Variants in SUMF1 observed in about 807,000 individuals in gnomAD.
SUMF1 encodes the protein sulfatase modifying factor 1.
Under a neutral mutation model 47.6 loss-of-function variants are expected in SUMF1, and 48 were observed. That is an observed-to-expected ratio of 1.01 (90% CI 0.80 to 1.28). The LOEUF is 1.28. SUMF1 is among the 50% of genes most tolerant of loss of function. The pLI, the probability that SUMF1 is intolerant of heterozygous loss-of-function variation, is 0.00. For synonymous variants in SUMF1, 230 were observed against 192.1 expected, an observed-to-expected ratio of 1.20 and a Z score of -1.63; for missense variants, 571 against 485.4, an observed-to-expected ratio of 1.18 and a Z score of -1.66.
rs74585781 is a variant in SUMF1 at position 4,199,911 on chromosome 3, T to C, written c.1015-131166A>G. Among the ~76,000 whole-genome samples the C allele has an allele frequency of 5.9e-3, 901 of 152,268 alleles. 31 individuals carry two copies. The highest frequency in any genetic ancestry group is 0.05 in the Admixed American group (770 of 15,284). Reference sequence around the variant, plus strand: ...TATAATTTTCAAGTATTTGCATCCATTCCTTTTTGCTTATCTGTTTTTTCA... The same window carrying C: ...TATAATTTTCAAGTATTTGCATCCACTCCTTTTTGCTTATCTGTTTTTTCA... On this transcript the variant is annotated intron_variant and NMD_transcript_variant, in intron 8 of 12. Transcript: ENST00000448413.
chr3:4,243,536 G>A (rs938424760), intron 8 of SUMF1, among the ~76,000 whole-genome samples: 1 of 152,086 alleles, frequency 6.6e-6, no homozygotes, highest in Non-Finnish European at 1.5e-5. Flanking sequence ...AGTCATTTGG[G>A]AGCCAGTTGT....
chr3:4,245,421 G>A (rs912593838), intron 8 of SUMF1, among the ~76,000 whole-genome samples: 1 of 152,160 alleles, frequency 6.6e-6, no homozygotes, highest in Non-Finnish European at 1.5e-5. Context: ...TGGGGTTTTA[G>A]TGTGGATGTC....
chr3:4,252,169 A>G (rs963974702), intron 8 of SUMF1, among the ~76,000 whole-genome samples: 39 of 152,194 alleles, frequency 2.6e-4, no homozygotes, highest in African/African-American at 9.4e-4. Context: ...TCTGAGAACA[A>G]TTCTAATCTA....
At chr3:4,163,376 AAGGAAGGGAGGGAGGGAGGGAGGGAGGG>A (rs1261287063) in intron 8 of SUMF1, among the ~76,000 whole-genome samples, 1 of 11,318 alleles carries the variant, frequency 8.8e-5, no homozygotes, top group Non-Finnish European at 1.6e-4. Flanking sequence ...GGAAGGAAGG[AAGGAAGGGAGGGAGGGAGGGAGGGAGGG>A]AGGGAGGGAG....
chr3:4,357,857 C>G (rs1699656844), downstream of SUMF1, among the ~76,000 whole-genome samples: 1 of 152,050 alleles, frequency 6.6e-6, no homozygotes, highest in Admixed American at 6.6e-5. Flanking sequence ...ATCCACCCGC[C>G]TCGGCCTCCC....
intron 8 of SUMF1, among the ~76,000 whole-genome samples, chr3:4,159,307 GT>G (rs1274099002): frequency 2.1e-5 from 3 of 145,402 alleles, no homozygotes; most frequent in South Asian, 4.3e-4. Flanking sequence ...TCCATTGCAT[GT>G]TTTTTTTATT....
At chr3:4,198,029 G>GA (rs772997663) in intron 8 of SUMF1, among the ~76,000 whole-genome samples, 1 of 69,398 alleles carries the variant, frequency 1.4e-5, no homozygotes, top group African/African-American at 5.7e-5. Flanking sequence ...TTTGTTTTAG[G>GA]CTTTTTTTTT....
At chr3:4,402,421 A>T (rs1243292834) in intron 7 of SUMF1, among the ~76,000 whole-genome samples, 1 of 152,198 alleles carries the variant, frequency 6.6e-6, no homozygotes, top group Non-Finnish European at 1.5e-5. Context: ...GTGCATCTTG[A>T]TTCATCTGAT....
At position 4,365,427 on chromosome 3, in the gene SUMF1, T is replaced by C. The variant is rs1699919580; in HGVS notation, c.1015-3173A>G. On this transcript the variant is annotated intron_variant, in intron 8 of 8. Coordinates refer to ENST00000272902, the MANE Select transcript of SUMF1 (RefSeq NM_182760.4). The stretch of plus-strand genomic sequence containing the variant: ...GTATTGGGTGCATATATATTTAGGA[T>C]AGTTAGCTCTTGTTGTTGAATTGAT... Among the ~76,000 whole-genome samples the C allele has an allele frequency of 2.4e-5, 3 of 124,528 alleles. No individual in the cohort carries two copies. The South Asian group carries it at 7.1e-4, about 29-fold the overall frequency. The allele number at this position is 124,528 out of a possible 152,430, so 81.7% of individuals were successfully genotyped here.
chr3:4,240,856 A>G (rs186309459), intron 8 of SUMF1, among the ~76,000 whole-genome samples: 1 of 152,016 alleles, frequency 6.6e-6, no homozygotes, highest in East Asian at 1.9e-4. Flanking sequence ...TCAGAAAAAA[A>G]TTAAGATTTT....
intron 8 of SUMF1, among the ~76,000 whole-genome samples, chr3:4,180,086 A>C (rs958140766): frequency 3.5e-4 from 53 of 152,186 alleles, no homozygotes; most frequent in Non-Finnish European, 1.8e-4. Context: ...ACGCTTTTAC[A>C]CTGTTGGTGG....
At position 4,286,889 on chromosome 3, in the gene SUMF1, C is replaced by G. The variant is rs367768266; in HGVS notation, c.1014+89441G>C. On this transcript the variant is annotated intron_variant and NMD_transcript_variant, in intron 8 of 12. Transcript: ENST00000448413. ...CAATGCAATGGGTGTATCACTGCAG[C>G]CTGGATTTATGTTTTAGGTTATTGT... 8.5e-5 allele frequency among the ~76,000 whole-genome samples: 13 copies of G among 152,168 alleles called. No individual in the cohort carries two copies. In the South Asian group the frequency reaches 2.7e-3, roughly 32 times the overall value.
intron 9 of SUMF1, among the ~76,000 whole-genome samples, chr3:4,061,754 G>T (rs1282096335): frequency 2.6e-5 from 4 of 152,128 alleles, no homozygotes; most frequent in Non-Finnish European, 5.9e-5. Flanking sequence ...GGGTTGAACA[G>T]TTGACAGCCT....
At chr3:4,089,762 T>C (rs1692745465) in intron 8 of SUMF1, among the ~76,000 whole-genome samples, 1 of 152,162 alleles carries the variant, frequency 6.6e-6, no homozygotes, top group Non-Finnish European at 1.5e-5. Flanking sequence ...CCAACCCAAA[T>C]TTCATTTTCC....
intron 8 of SUMF1, among the ~76,000 whole-genome samples, chr3:4,151,177 T>C (rs2686701): frequency 0.33 from 48,958 of 150,074 alleles, 8,435 homozygotes; most frequent in East Asian, 0.4. Flanking sequence ...CACACACACA[T>C]ACATGCAAAT....
At chr3:4,310,810 G>A (rs182109826) in intron 8 of SUMF1, among the ~76,000 whole-genome samples, 4 of 151,972 alleles carry the variant, frequency 2.6e-5, no homozygotes, top group Non-Finnish European at 5.9e-5. Context: ...GATTTATATA[G>A]TACCTTAAAA....
chr3:4,466,901 G>C, intron 1 of SUMF1, 75 bp downstream of exon 1: 1 of 1,556,942 alleles, frequency 6.4e-7, no homozygotes, highest in Non-Finnish European at 8.7e-7. Context: ...TCCTACTAGT[G>C]CCTTGCTTTG....
rs530695075 is a variant in SUMF1 at position 4,135,944 on chromosome 3, A to T, written c.1015-67199T>A. On this transcript the variant is annotated intron_variant and NMD_transcript_variant, in intron 8 of 12. Coordinates refer to the SUMF1 transcript ENST00000448413. ...GGATGTGAAGGACCTTTTCAAGGAG[A>T]ACTGCAAACCACTGCTCAATGAAAT... is the stretch of plus-strand genomic sequence containing the variant. Among the ~76,000 whole-genome samples the T allele has an allele frequency of 2.8e-4, 42 of 152,254 alleles. 3 individuals are homozygous for T. The highest frequency in any genetic ancestry group is 9.9e-4 in the African/African-American group (41 of 41,542).
At chr3:4,416,890 T>C (rs1701731877) in intron 6 of SUMF1, among the ~76,000 whole-genome samples, 1 of 152,234 alleles carries the variant, frequency 6.6e-6, no homozygotes, top group African/African-American at 2.4e-5. Context: ...CTTTCTCCTT[T>C]ATAGTCTTCT....
Sources: gnomAD v4.1 joint callset for allele counts (sites outside exome capture counted in the v4.1 genomes callset) on GRCh38, gnomAD v4.1.1 for gene constraint, MANE v1.5 for transcripts, NCBI Gene and HGNC (gene_info 2026-07-23, HGNC 2026-07-21) for gene names.